The following SGPP2 variants were observed in gnomAD, a reference collection of about 807,000 sequenced individuals.
The protein encoded by SGPP2 is sphingosine-1-phosphate phosphatase 2.
In SGPP2, 30 loss-of-function variants were observed where a neutral mutation model predicts 33.9. The observed-to-expected ratio is 0.89, with a 90% CI of 0.66 to 1.20. The LOEUF is 1.20. Among genes scored for constraint, SGPP2 ranks in the 50% most tolerant of loss-of-function variants. The pLI is 0.00. For synonymous variants in SGPP2, 233 were observed against 225.0 expected (o/e 1.04, Z -0.32); for missense variants, 458 against 532.1 (o/e 0.86, Z 1.37).
intron 2 of SGPP2, among the ~76,000 whole-genome samples, chr2:222,494,627 AG>A (rs1698248751): frequency 1.3e-5 from 2 of 152,202 alleles, no homozygotes; most frequent in South Asian, 4.1e-4. Flanking sequence ...ACAGTCACCA[AG>A]TGGTCCACAG....
chr2:222,545,780 C>T (rs1689181907), intron 4 of SGPP2, among the ~76,000 whole-genome samples: 2 of 152,104 alleles, frequency 1.3e-5, no homozygotes, highest in South Asian at 4.2e-4. Flanking sequence ...AGAAATTCCA[C>T]CTTAAAGAGT....
intron 2 of SGPP2, among the ~76,000 whole-genome samples, chr2:222,509,843 ATC>A (rs1281139184): frequency 1.3e-5 from 2 of 152,214 alleles, no homozygotes; most frequent in Non-Finnish European, 2.9e-5. Context: ...CATCACCACT[ATC>A]TCACTTCAGA....
intron 4 of SGPP2, among the ~76,000 whole-genome samples, chr2:222,543,550 T>C (rs953688224): frequency 2.6e-5 from 4 of 152,224 alleles, no homozygotes; most frequent in Non-Finnish European, 5.9e-5. Context: ...AGAACAATCA[T>C]AACGATATGC....
intron 4 of SGPP2, among the ~76,000 whole-genome samples, chr2:222,540,547 C>T (rs1030827943): frequency 6.6e-6 from 1 of 152,146 alleles, no homozygotes; most frequent in Non-Finnish European, 1.5e-5. Flanking sequence ...TTATTCTATT[C>T]GCCTTTGTAT....
rs897009694 is a variant in SGPP2, at chr2:222,465,695, C to T, written c.220-8873C>T. ...ATCCAGTTGTGCTCCCATTTAAAAC[C>T]CTCCCATGGCTTTCTGCTCCTTCCA... is the stretch of plus-strand genomic sequence containing the variant. On this transcript the variant is annotated intron_variant, in intron 1 of 4. Transcript: ENST00000321276. This position sits in a 1 kb window ranked among gnomAD's most constrained non-coding sequence, Gnocchi z 4.1. Among the ~76,000 whole-genome samples the T allele has an allele frequency of 2.4e-4, 37 of 152,304 alleles. No homozygotes were observed. Among genetic ancestry groups the T allele is most frequent in the African/African-American group, 8.4e-4 (35 of 41,558 alleles).
intron 2 of SGPP2, among the ~76,000 whole-genome samples, chr2:222,491,292 GC>G (rs1439021892): frequency 6.6e-6 from 1 of 152,088 alleles, no homozygotes; most frequent in Non-Finnish European, 1.5e-5. Flanking sequence ...CTACCACCAT[GC>G]CTGGCTAAGT....
chr2:222,448,805 C>T (rs944944280), intron 1 of SGPP2, among the ~76,000 whole-genome samples: 3 of 152,130 alleles, frequency 2.0e-5, no homozygotes, highest in East Asian at 1.9e-4. Flanking sequence ...TTTATCTTCC[C>T]GTGTTACATG....
At chr2:222,437,840 T>C (rs1450680851) in intron 1 of SGPP2, among the ~76,000 whole-genome samples, 2 of 152,126 alleles carry the variant, frequency 1.3e-5, no homozygotes, top group Non-Finnish European at 2.9e-5. Flanking sequence ...CAGAAAATGG[T>C]AGGGCCTTGC....
intron 1 of SGPP2, among the ~76,000 whole-genome samples, chr2:222,454,485 G>T (rs935699998): frequency 6.6e-6 from 1 of 152,326 alleles, no homozygotes; most frequent in Admixed American, 6.5e-5. Context: ...GATAAATTCT[G>T]AAGTGGTCTG....
At chr2:222,464,520 T>C (rs1385638158) in intron 1 of SGPP2, among the ~76,000 whole-genome samples, 1 of 152,236 alleles carries the variant, frequency 6.6e-6, no homozygotes, top group Non-Finnish European at 1.5e-5. Context: ...TCTCACTCTA[T>C]TGCCCATGCT....
At chr2:222,506,960 G>C (rs927106728) in intron 2 of SGPP2, among the ~76,000 whole-genome samples, 5 of 152,138 alleles carry the variant, frequency 3.3e-5, no homozygotes, top group Non-Finnish European at 7.3e-5. Flanking sequence ...TTGTGACTGT[G>C]TTTGAAAAAG....
At chr2:222,462,021 C>CAGA (rs1697668874) in intron 1 of SGPP2, among the ~76,000 whole-genome samples, 1 of 152,172 alleles carries the variant, frequency 6.6e-6, no homozygotes, top group African/African-American at 2.4e-5. Context: ...CGTCATGAGT[C>CAGA]ATGCCTGTCC....
intron 1 of SGPP2, 151 bp downstream of exon 1, chr2:222,424,972 C>A (rs1178613500): frequency 3.3e-6 from 2 of 610,094 alleles, no homozygotes; most frequent in Non-Finnish European, 2.4e-6. Flanking sequence ...GACGGGGAGG[C>A]CTGGCCTTCC....
intron 2 of SGPP2, among the ~76,000 whole-genome samples, chr2:222,486,105 C>T (rs1439425809): frequency 6.6e-6 from 1 of 152,198 alleles, no homozygotes; most frequent in African/African-American, 2.4e-5. Context: ...CAAGATGCTT[C>T]TCAGGCTCTT....
intron 2 of SGPP2, among the ~76,000 whole-genome samples, chr2:222,502,123 AG>A (rs1458273758): frequency 6.6e-6 from 1 of 152,244 alleles, no homozygotes; most frequent in African/African-American, 2.4e-5. Flanking sequence ...GTGTGAAGTA[AG>A]GAAATTGGCC....
rs2106161034 is a variant in SGPP2 at position 222,558,828 on chromosome 2, C to T, written c.1130C>T (p.Thr377Ile). 1.2e-6 allele frequency: 2 copies of T among 1,614,158 alleles called. No homozygotes were observed. The highest frequency in any genetic ancestry group is 1.1e-5 in the South Asian group (1 of 91,086). ...LEIEVPYKFV[T>I]YTSVGICATT... ...ATTGAAGTGCCTTACAAGTTTGTTA[C>T]CTACACATCTGTTGGCATCTGCGCT... The change falls in exon 5 of 5, where the codon ACC becomes ATC. Residue 377 changes from threonine to isoleucine, a missense_variant. Transcript: ENST00000321276.
chr2:222,470,974 C>T (rs1161205236), intron 1 of SGPP2, among the ~76,000 whole-genome samples: 5 of 152,190 alleles, frequency 3.3e-5, no homozygotes, highest in African/African-American at 1.2e-4. Flanking sequence ...GACCCTTGTC[C>T]TTGTTTTGCA....
chr2:222,486,653 A>G (rs962515716), intron 2 of SGPP2, among the ~76,000 whole-genome samples: 3 of 152,160 alleles, frequency 2.0e-5, no homozygotes, highest in Non-Finnish European at 2.9e-5. Context: ...TCTTGAGCGA[A>G]GTGTAGGCAC....
chr2:222,446,709 ATATT>A (rs1697404932), intron 1 of SGPP2, among the ~76,000 whole-genome samples: 1 of 152,234 alleles, frequency 6.6e-6, no homozygotes, highest in African/African-American at 2.4e-5. Flanking sequence ...AGTGGAATAA[ATATT>A]TAATGTGGAT....
Sources: allele counts gnomAD v4.1 joint callset (sites outside exome capture counted in the v4.1 genomes callset), GRCh38; gene constraint gnomAD v4.1.1; non-coding constraint Gnocchi (gnomAD v3.1); transcripts MANE v1.5; gene names NCBI Gene and HGNC (gene_info 2026-07-23, HGNC 2026-07-21).